Variants in FGF14 observed in about 807,000 individuals in gnomAD.
FGF14 encodes the protein fibroblast growth factor homologous factor 4.
FGF14 carries 5 observed loss-of-function variants against 25.5 expected under a neutral mutation model. That is an observed-to-expected ratio of 0.20 (90% CI 0.10 to 0.41). The LOEUF (loss-of-function observed/expected upper bound fraction) is 0.41, where lower values mean the gene tolerates loss of function less well. FGF14 is among the 10% of genes least tolerant of loss of function. The probability of loss-of-function intolerance (pLI) is 1.00; values close to 1 mark genes in which losing one functional copy is unlikely to be tolerated. For synonymous variants in FGF14, 138 were observed against 118.3 expected (o/e 1.17, Z -1.08); for missense variants, 222 against 320.1 (o/e 0.69, Z 2.34).
chr13:102,273,451 A>G (rs1045070201), intron 1 of FGF14, among the ~76,000 whole-genome samples: 2 of 152,128 alleles, frequency 1.3e-5, no homozygotes, highest in African/African-American at 2.4e-5. Context: ...TCCCCTCAAA[A>G]CGACTCAAGG....
chr13:102,346,000 C>T (rs2057095208), intron 1 of FGF14, among the ~76,000 whole-genome samples: 1 of 152,134 alleles, frequency 6.6e-6, no homozygotes, highest in African/African-American at 2.4e-5. Flanking sequence ...ATATATAGTT[C>T]TCTACTACAT....
At chr13:101,823,821 C>A (rs1419835491) in intron 3 of FGF14, among the ~76,000 whole-genome samples, 4 of 149,382 alleles carry the variant, frequency 2.7e-5, no homozygotes, top group South Asian at 4.2e-4. Context: ...GTACATATAT[C>A]TTTTATATAT....
chr13:102,089,486 C>T (rs1383060665), intron 1 of FGF14, among the ~76,000 whole-genome samples: 1 of 152,176 alleles, frequency 6.6e-6, no homozygotes, highest in Admixed American at 6.5e-5. Flanking sequence ...GTTTTGGAAA[C>T]TGATGCTAGT....
intron 1 of FGF14, among the ~76,000 whole-genome samples, chr13:102,213,153 A>T (rs917810423): frequency 6.6e-6 from 1 of 152,216 alleles, no homozygotes; most frequent in Non-Finnish European, 1.5e-5. Context: ...TCTGCCTTGC[A>T]ATTTCAGGAT....
At chr13:101,937,731 C>T (rs2035195796) in intron 1 of FGF14, among the ~76,000 whole-genome samples, 1 of 152,160 alleles carries the variant, frequency 6.6e-6, no homozygotes, top group African/African-American at 2.4e-5. Flanking sequence ...TCCCAAGGAG[C>T]TGGGACTACA....
At chr13:101,826,083 C>G (rs976475457) in intron 3 of FGF14, among the ~76,000 whole-genome samples, 1 of 152,024 alleles carries the variant, frequency 6.6e-6, no homozygotes, top group African/African-American at 2.4e-5. Flanking sequence ...TTTTATCTAT[C>G]ATTTTAAGCC....
chr13:102,075,135 A>G (rs2043306476), intron 1 of FGF14, among the ~76,000 whole-genome samples: 1 of 152,230 alleles, frequency 6.6e-6, no homozygotes, highest in African/African-American at 2.4e-5. Flanking sequence ...AAATTAAATC[A>G]GCCCTGTTTG....
chr13:102,146,263 A>G (rs16959830), intron 1 of FGF14, among the ~76,000 whole-genome samples: 11,269 of 152,220 alleles, frequency 0.074, 455 homozygotes, highest in Non-Finnish European at 0.099. Flanking sequence ...AGGACCTTGA[A>G]GAAGTCACTA....
intron 1 of FGF14, among the ~76,000 whole-genome samples, chr13:102,123,542 A>T (rs1241234005): frequency 6.6e-6 from 1 of 152,096 alleles, no homozygotes; most frequent in Admixed American, 6.6e-5. Context: ...TACTAAACAA[A>T]TTTTTTTGAA....
At chr13:101,968,136 A>G (rs1416358329) in intron 1 of FGF14, among the ~76,000 whole-genome samples, 2 of 152,216 alleles carry the variant, frequency 1.3e-5, no homozygotes, top group East Asian at 1.9e-4. Flanking sequence ...AACCTCTGTT[A>G]CTCAAATGAG....
chr13:102,096,225 T>C (rs1407155688), intron 1 of FGF14, among the ~76,000 whole-genome samples: 2 of 151,890 alleles, frequency 1.3e-5, no homozygotes, highest in African/African-American at 4.8e-5. Context: ...GAGAGTGAAC[T>C]AAAAAGAAAC....
At chr13:101,951,084 T>G (rs1405753219) in intron 1 of FGF14, among the ~76,000 whole-genome samples, 1 of 152,152 alleles carries the variant, frequency 6.6e-6, no homozygotes, top group Non-Finnish European at 1.5e-5. Flanking sequence ...CAGCATGGAT[T>G]TTTGGTGAAA....
chr13:102,026,446 T>C (rs1297189693), intron 1 of FGF14, among the ~76,000 whole-genome samples: 2 of 151,974 alleles, frequency 1.3e-5, no homozygotes, highest in African/African-American at 4.8e-5. Flanking sequence ...ATTAACTTCA[T>C]TGAAAGAATT....
At position 102,285,390 on chromosome 13, in the gene FGF14, C is replaced by T. The variant is rs376567576; in HGVS notation, c.208+116081G>A. 3.2e-4 allele frequency among the ~76,000 whole-genome samples: 48 copies of T among 152,140 alleles called. No homozygotes were observed. In the East Asian group the frequency reaches 4.6e-3, roughly 15 times the overall value. On this transcript the variant is annotated intron_variant, in intron 1 of 4. Transcript: ENST00000376131. The stretch of plus-strand genomic sequence containing the variant: ...TCACTTTCTTGGAATGGTTTACATC[C>T]GTGAATTTCAGGAATTAGACTGAAC...
chr13:101,850,515 GAAT>G (rs2043768776), intron 3 of FGF14, among the ~76,000 whole-genome samples: 1 of 38,518 alleles, frequency 2.6e-5, no homozygotes, highest in African/African-American at 7.5e-5. Context: ...TATATATATA[GAAT>G]TATATATTCT....
intron 1 of FGF14, among the ~76,000 whole-genome samples, chr13:102,161,605 AAG>A (rs1301313060): frequency 0.13 from 670 of 5,196 alleles, 63 homozygotes; most frequent in African/African-American, 0.4. Context: ...GAAGAAGAAG[AAG>A]AAGAAGAAGA....
At chr13:101,972,185 G>A (rs749652830) in intron 1 of FGF14, among the ~76,000 whole-genome samples, 58 of 152,254 alleles carry the variant, frequency 3.8e-4, no homozygotes, top group African/African-American at 1.1e-3. Context: ...CCTGCTTTCC[G>A]AGGCACTCTG....
chr13:101,819,717 G>A (rs1214802001), intron 3 of FGF14, among the ~76,000 whole-genome samples: 3 of 152,142 alleles, frequency 2.0e-5, no homozygotes, highest in African/African-American at 4.8e-5. Context: ...CATTCCCAAA[G>A]TTATTATAAT....
chr13:101,725,580 G>C (rs2035365446), intron 4 of FGF14, among the ~76,000 whole-genome samples: 1 of 151,982 alleles, frequency 6.6e-6, no homozygotes, highest in African/African-American at 2.4e-5. Context: ...AGAATTGACT[G>C]TTCAAATTTT....
Sources: gnomAD v4.1 joint callset for allele counts (sites outside exome capture counted in the v4.1 genomes callset) on GRCh38, gnomAD v4.1.1 for gene constraint, MANE v1.5 for transcripts, NCBI Gene and HGNC (gene_info 2026-07-23, HGNC 2026-07-21) for gene names.